The following SLC22A15 variants were observed in gnomAD, a reference collection of about 807,000 sequenced individuals.
The protein encoded by SLC22A15 is solute carrier family 22 member 15, also known as flipt 1.
In SLC22A15, 45 loss-of-function variants were observed where a neutral mutation model predicts 62.7. The ratio of observed to expected loss-of-function variants is 0.72; its 90% CI spans 0.56 to 0.92. The LOEUF is 0.92. Ranked by LOEUF, SLC22A15 falls within the 40% of genes least tolerant of loss-of-function variation. The pLI is 0.00. For synonymous variants in SLC22A15, 264 were observed against 267.0 expected (o/e 0.99, Z 0.11); for missense variants, 622 against 665.6 (o/e 0.93, Z 0.72).
intron 4 of SLC22A15, among the ~76,000 whole-genome samples, chr1:116,023,585 G>GAAAAA (rs1656947936): frequency 6.6e-6 from 1 of 152,072 alleles, no homozygotes; most frequent in Non-Finnish European, 1.5e-5. Flanking sequence ...GCTTTTTTTA[G>GAAAAA]ATAAAAAGGT....
At chr1:116,023,317 A>G (rs1163805291) in intron 4 of SLC22A15, among the ~76,000 whole-genome samples, 1 of 152,192 alleles carries the variant, frequency 6.6e-6, no homozygotes, top group Non-Finnish European at 1.5e-5. Context: ...AAAATACTGA[A>G]GCTGTGAAAA....
chr1:115,994,102 C>T (rs555887969), intron 2 of SLC22A15, among the ~76,000 whole-genome samples: 2 of 152,234 alleles, frequency 1.3e-5, no homozygotes, highest in African/African-American at 2.4e-5. Context: ...TGTGGTTCAG[C>T]TCTAAAAGTT....
chr1:115,991,936 GA>G, intron 1 of SLC22A15, 94 bp from the exon 2 acceptor site: 1 of 1,007,324 alleles, frequency 9.9e-7, no homozygotes. Flanking sequence ...ACAAAAGCAA[GA>G]CACTGATCTT....
In SLC22A15 at chr1:116,020,866, C is replaced by A; in HGVS notation, c.579C>A (p.Thr193=). 4 of 1,611,684 alleles carry A rather than the reference C, an allele frequency of 2.5e-6. No homozygotes were observed. The highest frequency in any genetic ancestry group is 3.4e-6 in the Non-Finnish European group (4 of 1,178,570). The change falls in exon 4 of 12, where the codon ACC becomes ACA. Residue 193 remains threonine, a synonymous_variant. Coordinates refer to ENST00000369503, the MANE Select transcript of SLC22A15 (RefSeq NM_018420.3). ...AFVLLNECVG[T]AYWALAGSIG... is the part of the protein sequence containing the mutation. ...TCTTGCTTAATGAATGTGTGGGCACCGCCTACTGGGCACTTGCAGGTACTA... is the reference window on the plus strand; with the variant it reads ...TCTTGCTTAATGAATGTGTGGGCACAGCCTACTGGGCACTTGCAGGTACTA...
chr1:116,019,863 A>G, intron 3 of SLC22A15, 149 bp downstream of exon 3: 1 of 897,004 alleles, frequency 1.1e-6, no homozygotes, highest in Non-Finnish European at 1.6e-6. Flanking sequence ...CAAGAGGCCA[A>G]ACTGCAGCTT....
chr1:116,020,944 G>A (rs1230719917), intron 4 of SLC22A15, 59 bp downstream of exon 4: 12 of 1,469,746 alleles, frequency 8.2e-6, no homozygotes, highest in Non-Finnish European at 9.2e-6. Flanking sequence ...ATTTTATAGG[G>A]ACCCAGTTTA....
intron 8 of SLC22A15, among the ~76,000 whole-genome samples, chr1:116,047,854 A>G (rs1425078510): frequency 6.6e-6 from 1 of 152,178 alleles, no homozygotes; most frequent in Non-Finnish European, 1.5e-5. Context: ...GAAGGGAGAA[A>G]TATTCAAGGA....
At chr1:116,035,577 A>G (rs1252344789) in intron 7 of SLC22A15, among the ~76,000 whole-genome samples, 2 of 152,182 alleles carry the variant, frequency 1.3e-5, no homozygotes, top group African/African-American at 4.8e-5. Context: ...GAAATCCAAG[A>G]TAGTATTGAA....
intron 9 of SLC22A15, 24 bp from the exon 10 acceptor site, chr1:116,064,412 T>C: frequency 6.3e-7 from 1 of 1,586,094 alleles, no homozygotes. Flanking sequence ...AACTTACTGA[T>C]GTATTTTTAC....
At chr1:116,043,100 A>T (rs910153834) in intron 8 of SLC22A15, among the ~76,000 whole-genome samples, 3 of 152,198 alleles carry the variant, frequency 2.0e-5, no homozygotes, top group Non-Finnish European at 4.4e-5. Flanking sequence ...CACAAGGAAA[A>T]CTGGAAAATA....
chr1:116,040,699 C>G (rs1428480409), intron 8 of SLC22A15, among the ~76,000 whole-genome samples: 1 of 152,178 alleles, frequency 6.6e-6, no homozygotes, highest in African/African-American at 2.4e-5. Flanking sequence ...TCACTGCAGC[C>G]TTGACCTCTT....
chr1:116,032,893 G>C (rs1251257190), intron 6 of SLC22A15: 1 of 152,458 alleles, frequency 6.6e-6, no homozygotes, highest in Non-Finnish European at 1.5e-5. Context: ...CCACCTACTT[G>C]TTGCAGATTA....
At chr1:116,033,637 CAG>C (rs1307798771) in intron 6 of SLC22A15, among the ~76,000 whole-genome samples, 2 of 151,518 alleles carry the variant, frequency 1.3e-5, no homozygotes, top group African/African-American at 4.9e-5. Flanking sequence ...AGAACAGACA[CAG>C]AAAACCAACT....
chr1:116,008,723 T>A (rs1462457404), intron 2 of SLC22A15, among the ~76,000 whole-genome samples: 2 of 152,168 alleles, frequency 1.3e-5, no homozygotes, highest in Non-Finnish European at 2.9e-5. Context: ...ATAATACTAG[T>A]CTGCTAATTA....
chr1:115,990,060 CAA>C (rs1410379329), intron 1 of SLC22A15, among the ~76,000 whole-genome samples: 6 of 152,278 alleles, frequency 3.9e-5, no homozygotes, highest in African/African-American at 7.2e-5. Flanking sequence ...TTCATGCTCT[CAA>C]AAGTCTAGAT....
intron 5 of SLC22A15, among the ~76,000 whole-genome samples, chr1:116,028,523 CT>C (rs1177157642): frequency 0.066 from 5,526 of 84,104 alleles, 199 homozygotes; most frequent in African/African-American, 0.11. Context: ...AGCTGTTCTG[CT>C]TTTTTTTTTT....
chr1:116,027,513 G>A (rs536381982), intron 5 of SLC22A15, among the ~76,000 whole-genome samples: 1 of 152,318 alleles, frequency 6.6e-6, no homozygotes, highest in East Asian at 1.9e-4. Flanking sequence ...CCTCATAGCA[G>A]TGGCAGGATG....
intron 9 of SLC22A15, among the ~76,000 whole-genome samples, chr1:116,064,101 C>T (rs761920533): frequency 6.6e-6 from 1 of 152,070 alleles, no homozygotes; most frequent in Non-Finnish European, 1.5e-5. Context: ...CTTTGTGGAT[C>T]CACTGTCCAA....
intron 1 of SLC22A15, among the ~76,000 whole-genome samples, chr1:115,986,734 G>T (rs1287971022): frequency 3.3e-5 from 5 of 152,174 alleles, no homozygotes; most frequent in Non-Finnish European, 7.4e-5. Flanking sequence ...ATTAAATTTG[G>T]GAAGCACTAA....
Sources: allele counts gnomAD v4.1 joint callset (sites outside exome capture counted in the v4.1 genomes callset), GRCh38; gene constraint gnomAD v4.1.1; transcripts MANE v1.5; gene names NCBI Gene and HGNC (gene_info 2026-07-23, HGNC 2026-07-21).